The following STEAP4 variants were observed in gnomAD, a reference collection of about 807,000 sequenced individuals.
STEAP4 encodes metalloreductase STEAP4.
A neutral mutation model predicts 43.6 loss-of-function variants in STEAP4; 36 were observed. That is an observed-to-expected ratio of 0.83 (90% CI 0.63 to 1.09). STEAP4 has a LOEUF of 1.09. Ranked by LOEUF, STEAP4 falls within the 50% of genes least tolerant of loss-of-function variation. The pLI is 0.00. For missense variants in STEAP4, 495 were observed against 546.5 expected, an observed-to-expected ratio of 0.91 and a Z score of 0.94; for synonymous variants, 191 against 196.7, an observed-to-expected ratio of 0.97 and a Z score of 0.24.
rs899923567 is a variant in STEAP4 at position 88,271,302 on chromosome 7, A to G, written c.*8096T>C. The G allele has an allele frequency of 1.3e-5, 2 of 152,210 alleles. No individual in the cohort carries two copies. Among genetic ancestry groups the G allele is most frequent in the Non-Finnish European group, 2.9e-5 (2 of 68,042 alleles). The allele number at this position is 152,210 out of a possible 1,614,324, so 9.4% of individuals were successfully genotyped here. ...GGTCTACAGTGCTTCTACTCCTGTC[A>G]CTACTCCTCTGTTCTCCCATCTTGT... On this transcript the variant is annotated 3_prime_UTR_variant, in exon 5 of 5. Coordinates refer to ENST00000380079, the MANE Select transcript of STEAP4 (RefSeq NM_024636.4).
intron 1 of STEAP4, chr7:88,290,226 C>T (rs1441223039): frequency 6.6e-6 from 1 of 152,150 alleles, no homozygotes. Flanking sequence ...TTATTCTAAT[C>T]TTTCATAAAT....
chr7:88,293,079 A>C (rs957677250), intron 1 of STEAP4: 2 of 152,200 alleles, frequency 1.3e-5, no homozygotes, highest in Admixed American at 1.3e-4. Flanking sequence ...TAGCATTCTA[A>C]GACTTGGCTA....
At position 88,304,755 on chromosome 7, in the gene STEAP4, T is replaced by C. The variant is rs116168023; in HGVS notation, c.-3+2037A>G. ...TTGATAAACACGTCTAAATTAATTA[T>C]GAAGAGAACTAGGTGGTAAGGATCC... On this transcript the variant is annotated intron_variant, in intron 1 of 4. Transcript: ENST00000380079. Among the ~76,000 whole-genome samples, 454 of 152,156 alleles carry C rather than the reference T, an allele frequency of 3.0e-3. 3 individuals are homozygous for C. The highest frequency in any genetic ancestry group is 0.011 in the African/African-American group (440 of 41,504).
At chr7:88,296,484 T>A (rs1030088066) in intron 1 of STEAP4, among the ~76,000 whole-genome samples, 4 of 152,166 alleles carry the variant, frequency 2.6e-5, no homozygotes, top group Admixed American at 6.5e-5. Context: ...AGGGTTTTTT[T>A]AAAGTCCTTC....
rs1852453181 is a variant in STEAP4 at position 88,272,633 on chromosome 7, T to C, written c.*6765A>G. On this transcript the variant is annotated 3_prime_UTR_variant, in exon 5 of 5. Coordinates refer to ENST00000380079, the MANE Select transcript of STEAP4 (RefSeq NM_024636.4). ...TTTAGAAACTTTTATGGCAATTTGA[T>C]GTTGCCATCACATTTAAGGGTGTGA... 1 of 152,224 alleles carries C rather than the reference T, an allele frequency of 6.6e-6. No homozygotes were observed. Among genetic ancestry groups the C allele is most frequent in the South Asian group, 2.1e-4 (1 of 4,830 alleles). 9.4% of individuals were successfully genotyped at this position (152,224 alleles called of 1,614,324 possible). A position where few individuals can be genotyped will look rare whatever the true frequency, so the allele number is the denominator to read the frequency against.
At chr7:88,304,831 C>G (rs559612292) in intron 1 of STEAP4, among the ~76,000 whole-genome samples, 1 of 152,026 alleles carries the variant, frequency 6.6e-6, no homozygotes, top group East Asian at 1.9e-4. Context: ...AGCTACCCAG[C>G]CTTTAAAAGG....
rs1852447676 is a variant in STEAP4, at chr7:88,272,305, C to A, written c.*7093G>T. The stretch of plus-strand genomic sequence containing the variant: ...TCTGACACTGTCTTCCAGACTTTCC[C>A]AGCAAAACTGAGCTCCAGTTGCCCA... On this transcript the variant is annotated 3_prime_UTR_variant, in exon 5 of 5. Transcript: ENST00000380079. 1 of 152,244 alleles carries A rather than the reference C, an allele frequency of 6.6e-6. No homozygotes were observed. The highest frequency in any genetic ancestry group is 6.5e-5 in the Admixed American group (1 of 15,278). The allele number at this position is 152,244 out of a possible 1,614,324, so 9.4% of individuals were successfully genotyped here.
intron 1 of STEAP4, among the ~76,000 whole-genome samples, chr7:88,295,557 T>C (rs1852910759): frequency 6.6e-6 from 1 of 152,140 alleles, no homozygotes; most frequent in African/African-American, 2.4e-5. Flanking sequence ...TTAAAGCTTT[T>C]ATCAGCTTTT....
At chr7:88,283,401 TATAA>T in intron 2 of STEAP4, 1 of 509,316 alleles carries the variant, frequency 2.0e-6, no homozygotes, top group Non-Finnish European at 3.4e-6. Context: ...ACATCACACT[TATAA>T]AAGACATGGT....
chr7:88,299,732 G>A (rs1375673781), intron 1 of STEAP4, among the ~76,000 whole-genome samples: 3 of 152,118 alleles, frequency 2.0e-5, no homozygotes, highest in Non-Finnish European at 4.4e-5. Flanking sequence ...TCTTAAGAAT[G>A]GGCATTTATC....
chr7:88,279,515 C>T lies in STEAP4; in HGVS notation c.1263G>A (p.Val421=), dbSNP rs560959177. ...CAGTGCAAGGAATGATAAGCCCTAA[C>T]ACGTAGGCTGCAGGAAGATACCATC... ...NLRWYLPAAY[V]LGLIIPCTVL... is the part of the protein sequence containing the mutation. The change falls in exon 5 of 5, where the codon GTG becomes GTA. Residue 421 remains valine, a synonymous_variant. Coordinates refer to ENST00000380079, the MANE Select transcript of STEAP4 (RefSeq NM_024636.4). The T allele has an allele frequency of 3.1e-6, 5 of 1,614,138 alleles. No individual in the cohort carries two copies. The highest frequency in any genetic ancestry group is 2.5e-6 in the Non-Finnish European group (3 of 1,180,014).
At chr7:88,295,401 C>A (rs947390527) in intron 1 of STEAP4, among the ~76,000 whole-genome samples, 4 of 152,162 alleles carry the variant, frequency 2.6e-5, no homozygotes, top group African/African-American at 4.8e-5. Flanking sequence ...TGGTTCTCAA[C>A]CCTGGTGCAC....
chr7:88,298,716 C>T (rs985547051), intron 1 of STEAP4, among the ~76,000 whole-genome samples: 1 of 152,082 alleles, frequency 6.6e-6, no homozygotes, highest in Non-Finnish European at 1.5e-5. Context: ...AAAATAAGTT[C>T]TAGTAACTAC....
At chr7:88,290,747 C>T (rs1446434901) in intron 1 of STEAP4, among the ~76,000 whole-genome samples, 2 of 152,130 alleles carry the variant, frequency 1.3e-5, no homozygotes, top group Non-Finnish European at 2.9e-5. Context: ...GTCCAAATTA[C>T]CCTCAAGCTT....
At chr7:88,297,687 A>G (rs372072719) in intron 1 of STEAP4, among the ~76,000 whole-genome samples, 2 of 152,078 alleles carry the variant, frequency 1.3e-5, no homozygotes, top group African/African-American at 4.8e-5. Flanking sequence ...GACAGGCAAG[A>G]AGGAGTTTGC....
At chr7:88,299,206 TA>T (rs1405899406) in intron 1 of STEAP4, among the ~76,000 whole-genome samples, 2 of 152,200 alleles carry the variant, frequency 1.3e-5, no homozygotes, top group Non-Finnish European at 2.9e-5. Context: ...CTAGTTCAAT[TA>T]AAAATCTCAT....
rs1852501884 is a variant in STEAP4 at position 88,275,600 on chromosome 7, G to GTGTGT, written c.*3797_*3798insACACA. 6.9e-6 allele frequency: 1 copy of GTGTGT among 144,960 alleles called. No individual in the cohort carries two copies. The highest frequency in any genetic ancestry group is 1.5e-5 in the Non-Finnish European group (1 of 65,776). The allele number at this position is 144,960 out of a possible 1,614,324, so 9.0% of individuals were successfully genotyped here. On this transcript the variant is annotated 3_prime_UTR_variant, in exon 5 of 5. Transcript: ENST00000380079. Reference sequence around the variant, plus strand: ...TAAGGCTATCTGTGGGCTCTCATGGGGTGTGTGTGTGTGTGTGTGTGTGTG... The same window carrying GTGTGT: ...TAAGGCTATCTGTGGGCTCTCATGGGTGTGTGTGTGTGTGTGTGTGTGTGTGTGTG...
In STEAP4 at chr7:88,279,281, G is replaced by GA. The variant is rs1315497064; in HGVS notation, c.*116dup. ...AATGTTTCCCTCAGTCACGGTGTAA[G>GA]AAAAAAACTTTCCTAACTGTACCCA... On this transcript the variant is annotated 3_prime_UTR_variant, in exon 5 of 5. Transcript: ENST00000380079. 2.3e-5 allele frequency: 21 copies of GA among 919,242 alleles called. No homozygotes were observed. The highest frequency in any genetic ancestry group is 7.8e-5 in the Admixed American group (3 of 38,328). The allele number at this position is 919,242 out of a possible 1,614,324, so 56.9% of individuals were successfully genotyped here.
chr7:88,284,837 T>C (rs1563498376), intron 1 of STEAP4, among the ~76,000 whole-genome samples: 1 of 152,178 alleles, frequency 6.6e-6, no homozygotes, highest in Non-Finnish European at 1.5e-5. Flanking sequence ...AAATTCAACA[T>C]TTATTCTTGA....
Sources: allele counts gnomAD v4.1 joint callset (sites outside exome capture counted in the v4.1 genomes callset), GRCh38; gene constraint gnomAD v4.1.1; transcripts MANE v1.5; gene names NCBI Gene and HGNC (gene_info 2026-07-23, HGNC 2026-07-21).